The following PTN variants were observed in gnomAD, a reference collection of about 807,000 sequenced individuals.
PTN encodes pleiotrophin.
Under a neutral mutation model 24.1 loss-of-function variants are expected in PTN, and 18 were observed. The observed-to-expected ratio is 0.75, with a 90% CI of 0.52 to 1.11. The LOEUF is 1.11. PTN is among the 50% of genes least tolerant of loss of function. PTN has a pLI of 0.00. For missense variants in PTN, 163 were observed against 198.8 expected, an observed-to-expected ratio of 0.82 and a Z score of 1.08; for synonymous variants, 78 against 68.6, an observed-to-expected ratio of 1.14 and a Z score of -0.67.
chr7:137,251,243 C>T lies in PTN; in HGVS notation c.438G>A (p.Lys146=), dbSNP rs1165361448. ...TISKPCGKLT[K]PKPQAESKKK... ...GCAAGGACTTACCTTGAGGTTTGGGCTTGGTCAGTTTGCCACAGGGCTTGG... is the reference window on the plus strand; with the variant it reads ...GCAAGGACTTACCTTGAGGTTTGGGTTTGGTCAGTTTGCCACAGGGCTTGG... The change falls in exon 4 of 5, where the codon AAG becomes AAA. Residue 146 remains lysine, a synonymous_variant. Transcript: ENST00000348225. 2.5e-6 allele frequency: 4 copies of T among 1,613,996 alleles called. No individual in the cohort carries two copies. Among genetic ancestry groups the T allele is most frequent in the Non-Finnish European group, 3.4e-6 (4 of 1,180,008 alleles).
intron 1 of PTN, among the ~76,000 whole-genome samples, chr7:137,340,657 G>C (rs539054955): frequency 6.6e-6 from 1 of 152,272 alleles, no homozygotes; most frequent in South Asian, 2.1e-4. Flanking sequence ...AAAACTCTTC[G>C]ACTATTCATT....
rs554515062 is a variant in PTN at position 137,286,969 on chromosome 7, T to C, written c.-1-31995A>G. Among the ~76,000 whole-genome samples, 5 of 152,332 alleles carry C rather than the reference T, an allele frequency of 3.3e-5. No individual in the cohort carries two copies. The East Asian group carries it at 7.7e-4, about 23-fold the overall frequency. ...CTATAAAATTGAAGATTTAATAGAT[T>C]GCATAACTTACTCCCAACCACACAG... On this transcript the variant is annotated intron_variant, in intron 1 of 4. Transcript: ENST00000348225.
At chr7:137,291,027 A>G (rs1425944378) in intron 1 of PTN, among the ~76,000 whole-genome samples, 2 of 152,182 alleles carry the variant, frequency 1.3e-5, no homozygotes, top group Non-Finnish European at 2.9e-5. Context: ...AATGATGAAA[A>G]ATTGTCAATA....
chr7:137,314,750 G>A (rs886421141), intron 1 of PTN, among the ~76,000 whole-genome samples: 9 of 151,810 alleles, frequency 5.9e-5, no homozygotes, highest in Non-Finnish European at 1.2e-4. Flanking sequence ...GCCCACCACC[G>A]CACTCAGCTA....
At chr7:137,308,356 C>A (rs1809922656) in intron 1 of PTN, among the ~76,000 whole-genome samples, 1 of 152,126 alleles carries the variant, frequency 6.6e-6, no homozygotes, top group South Asian at 2.1e-4. Flanking sequence ...AAAGAAAAAT[C>A]AGTACAGAAT....
intron 1 of PTN, among the ~76,000 whole-genome samples, chr7:137,333,579 G>A (rs1161393978): frequency 6.6e-6 from 1 of 152,144 alleles, no homozygotes; most frequent in Non-Finnish European, 1.5e-5. Context: ...GTCTAATGCA[G>A]TTATAGACGT....
intron 1 of PTN, among the ~76,000 whole-genome samples, chr7:137,281,631 C>A (rs1809476340): frequency 6.6e-6 from 1 of 152,172 alleles, no homozygotes; most frequent in Admixed American, 6.6e-5. Flanking sequence ...TTGAGAAACT[C>A]TTCTAAACCA....
chr7:137,324,003 T>G (rs1290017399), intron 1 of PTN, among the ~76,000 whole-genome samples: 4 of 152,056 alleles, frequency 2.6e-5, no homozygotes, highest in Non-Finnish European at 4.4e-5. Context: ...GTCCCTCGTT[T>G]TACAAATGAA....
At chr7:137,292,298 T>G (rs2128877411) in intron 1 of PTN, among the ~76,000 whole-genome samples, 1 of 152,268 alleles carries the variant, frequency 6.6e-6, no homozygotes, top group East Asian at 1.9e-4. Flanking sequence ...ACTGATAGGA[T>G]TTGGCTCTGT....
intron 1 of PTN, among the ~76,000 whole-genome samples, chr7:137,268,327 G>A (rs1317370742): frequency 6.6e-6 from 1 of 152,048 alleles, no homozygotes; most frequent in African/African-American, 2.4e-5. Flanking sequence ...TACTCACCTC[G>A]CTTGCCGGTC....
chr7:137,271,388 C>T (rs1809269293), intron 1 of PTN, among the ~76,000 whole-genome samples: 1 of 152,156 alleles, frequency 6.6e-6, no homozygotes, highest in South Asian at 2.1e-4. Flanking sequence ...CACCTCTGTT[C>T]CCTATTAATC....
chr7:137,299,099 A>C (rs955373604), intron 1 of PTN, among the ~76,000 whole-genome samples: 2 of 151,986 alleles, frequency 1.3e-5, no homozygotes, highest in African/African-American at 4.8e-5. Flanking sequence ...CTACGTTTCC[A>C]TGGGCACATT....
At chr7:137,295,510 T>C (rs1279265510) in intron 1 of PTN, among the ~76,000 whole-genome samples, 3 of 152,012 alleles carry the variant, frequency 2.0e-5, no homozygotes, top group Non-Finnish European at 4.4e-5. Flanking sequence ...ATACTTAAAA[T>C]GTGGCTAGTC....
intron 4 of PTN, among the ~76,000 whole-genome samples, chr7:137,248,523 T>C (rs1359258930): frequency 1.3e-5 from 2 of 152,100 alleles, no homozygotes; most frequent in Non-Finnish European, 2.9e-5. Flanking sequence ...CTGTCTCTAC[T>C]AAAAAGACAG....
At chr7:137,262,671 C>A (rs1809063063) in intron 1 of PTN, among the ~76,000 whole-genome samples, 1 of 152,098 alleles carries the variant, frequency 6.6e-6, no homozygotes, top group Non-Finnish European at 1.5e-5. Context: ...CTAAGGGGGT[C>A]CACATGAGAG....
At chr7:137,252,404 T>C (rs1585013252) in intron 3 of PTN, among the ~76,000 whole-genome samples, 2 of 151,904 alleles carry the variant, frequency 1.3e-5, no homozygotes, top group Admixed American at 1.3e-4. Flanking sequence ...TTGTTTTGTT[T>C]TTTGTTGTTG....
intron 1 of PTN, among the ~76,000 whole-genome samples, chr7:137,269,344 G>C (rs904479381): frequency 6.6e-6 from 1 of 152,130 alleles, no homozygotes; most frequent in Non-Finnish European, 1.5e-5. Flanking sequence ...CCCCAGAAGG[G>C]AGTCCTGGAG....
intron 1 of PTN, among the ~76,000 whole-genome samples, chr7:137,274,033 GCACACACA>G (rs10555048): frequency 4.0e-5 from 6 of 149,946 alleles, no homozygotes; most frequent in African/African-American, 1.5e-4. Context: ...TTTCAGAAGC[GCACACACA>G]CACACACACA....
At chr7:137,256,306 T>C (rs1410098606) in intron 1 of PTN, among the ~76,000 whole-genome samples, 6 of 152,190 alleles carry the variant, frequency 3.9e-5, no homozygotes, top group Non-Finnish European at 8.8e-5. Flanking sequence ...TCCTCTAAGT[T>C]CCCTCCCCTT....
Sources: gnomAD v4.1 joint callset for allele counts (sites outside exome capture counted in the v4.1 genomes callset) on GRCh38, gnomAD v4.1.1 for gene constraint, MANE v1.5 for transcripts, NCBI Gene and HGNC (gene_info 2026-07-23, HGNC 2026-07-21) for gene names.